EYA1: variants seen among roughly 807,000 people sequenced by gnomAD.
EYA1 encodes the protein protein phosphatase EYA1.
A neutral mutation model predicts 82.0 loss-of-function variants in EYA1; 16 were observed. The observed-to-expected ratio is 0.20, with a 90% CI of 0.13 to 0.30. EYA1 has a LOEUF of 0.30. EYA1 is among the 10% of genes least tolerant of loss of function. The probability of loss-of-function intolerance (pLI) is 1.00; values close to 1 mark genes in which losing one functional copy is unlikely to be tolerated. For synonymous variants in EYA1, 261 were observed against 264.4 expected (o/e 0.99, Z 0.12); for missense variants, 633 against 730.7 (o/e 0.87, Z 1.54).
chr8:71,462,401 G>C (rs1808425847), intron 2 of EYA1, among the ~76,000 whole-genome samples: 1 of 152,124 alleles, frequency 6.6e-6, no homozygotes, highest in African/African-American at 2.4e-5. Context: ...GGAAGAGGGA[G>C]AGGCTAGGCA....
At chr8:71,315,770 G>A (rs1306107580) in intron 7 of EYA1, among the ~76,000 whole-genome samples, 1 of 152,128 alleles carries the variant, frequency 6.6e-6, no homozygotes, top group Non-Finnish European at 1.5e-5. Context: ...TTCCAAGGCT[G>A]CATAAAAGTT....
chr8:71,486,935 T>A (rs982349723), intron 2 of EYA1, among the ~76,000 whole-genome samples: 4 of 104,494 alleles, frequency 3.8e-5, no homozygotes, highest in Non-Finnish European at 6.4e-5. Context: ...TGTGCGTCAC[T>A]TCTCAGGTGG....
intron 2 of EYA1, among the ~76,000 whole-genome samples, chr8:71,383,432 GT>G (rs967038874): frequency 6.6e-6 from 1 of 151,958 alleles, no homozygotes; most frequent in South Asian, 2.1e-4. Flanking sequence ...AATTAAAGGA[GT>G]TTTTTTAAAA....
At chr8:71,389,727 G>A (rs193213212) in intron 2 of EYA1, among the ~76,000 whole-genome samples, 4 of 152,198 alleles carry the variant, frequency 2.6e-5, no homozygotes, top group East Asian at 1.9e-4. Flanking sequence ...GCTGAGTTTC[G>A]TACAAGATCA....
intron 2 of EYA1, among the ~76,000 whole-genome samples, chr8:71,480,347 C>T (rs537622945): frequency 2.6e-5 from 4 of 152,054 alleles, no homozygotes; most frequent in African/African-American, 9.7e-5. Context: ...TACCGGGGTA[C>T]AAAATGGGGC....
chr8:71,229,981 C>T lies in EYA1; in HGVS notation c.1141-12958G>A, dbSNP rs147766017. Among the ~76,000 whole-genome samples, 123 of 152,272 alleles carry T rather than the reference C, an allele frequency of 8.1e-4. 2 individuals are homozygous for T. In the East Asian group the frequency reaches 0.02, roughly 25 times the overall value. On this transcript the variant is annotated intron_variant, in intron 12 of 17. Coordinates refer to ENST00000340726, the MANE Select transcript of EYA1 (RefSeq NM_000503.6). ...TTACAAAGGAGTAGCACACAATTAG[C>T]AGTGAGAAGGATCCAGCATTTAGAA...
At chr8:71,426,624 CT>C (rs1472910449) in intron 2 of EYA1, among the ~76,000 whole-genome samples, 1 of 152,156 alleles carries the variant, frequency 6.6e-6, no homozygotes, top group Non-Finnish European at 1.5e-5. Context: ...GTTTCTGGCC[CT>C]TTTTAGACCC....
intron 2 of EYA1, among the ~76,000 whole-genome samples, chr8:71,484,576 G>A (rs1021597039): frequency 6.6e-6 from 1 of 152,172 alleles, no homozygotes; most frequent in Non-Finnish European, 1.5e-5. Context: ...GCTGTTTGGG[G>A]TGATGCACAC....
intron 12 of EYA1, among the ~76,000 whole-genome samples, chr8:71,224,454 G>C (rs1331656100): frequency 6.6e-6 from 1 of 152,240 alleles, no homozygotes. Context: ...ATTGGGTTCT[G>C]TGTCCCCTCT....
At chr8:71,433,171 T>C (rs1805752001) in intron 2 of EYA1, among the ~76,000 whole-genome samples, 1 of 152,134 alleles carries the variant, frequency 6.6e-6, no homozygotes, top group Non-Finnish European at 1.5e-5. Flanking sequence ...GTATGAAAGG[T>C]ATATATTTAC....
intron 1 of EYA1, chr8:71,547,828 A>T (rs1406434599): frequency 6.7e-6 from 1 of 150,248 alleles, no homozygotes; most frequent in Non-Finnish European, 1.5e-5. Context: ...GGCGCGGGGG[A>T]CCCTGGCGGG....
chr8:71,405,618 G>C (rs921255179), intron 2 of EYA1, among the ~76,000 whole-genome samples: 1 of 152,182 alleles, frequency 6.6e-6, no homozygotes, highest in Non-Finnish European at 1.5e-5. Flanking sequence ...GTGAATAAAT[G>C]AATGCACGCT....
At chr8:71,526,063 T>C (rs1430950969) in intron 2 of EYA1, among the ~76,000 whole-genome samples, 1 of 152,146 alleles carries the variant, frequency 6.6e-6, no homozygotes, top group Non-Finnish European at 1.5e-5. Flanking sequence ...TATATGCTAA[T>C]TAGCAGTTCA....
intron 2 of EYA1, among the ~76,000 whole-genome samples, chr8:71,462,327 C>T (rs1283588037): frequency 2.6e-5 from 4 of 152,156 alleles, no homozygotes; most frequent in African/African-American, 9.7e-5. Context: ...CAGTGCTGCT[C>T]CAAGTGTGCA....
intron 9 of EYA1, among the ~76,000 whole-genome samples, chr8:71,291,863 A>G (rs943593752): frequency 1.3e-5 from 2 of 152,160 alleles, no homozygotes; most frequent in African/African-American, 4.8e-5. Flanking sequence ...ATGAATGTAG[A>G]GCTCTAAGCA....
chr8:71,276,413 T>C (rs1331695238), intron 9 of EYA1, among the ~76,000 whole-genome samples: 1 of 152,158 alleles, frequency 6.6e-6, no homozygotes, highest in Non-Finnish European at 1.5e-5. Context: ...GACCTGAGTA[T>C]CCCACTATTT....
At chr8:71,356,891 G>T in intron 1 of EYA1, 1 of 195,242 alleles carries the variant, frequency 5.1e-6, no homozygotes, top group Non-Finnish European at 9.3e-6. Context: ...GTGTTTAACA[G>T]CAATAGTTCA....
At chr8:71,335,548 G>A (rs896277978) in intron 3 of EYA1, among the ~76,000 whole-genome samples, 3 of 152,208 alleles carry the variant, frequency 2.0e-5, no homozygotes, top group Admixed American at 6.5e-5. Flanking sequence ...AAACAATGGT[G>A]TAACTGAAGT....
intron 11 of EYA1, among the ~76,000 whole-genome samples, chr8:71,254,619 T>C (rs1814174631): frequency 1.3e-5 from 2 of 152,254 alleles, no homozygotes; most frequent in South Asian, 4.1e-4. Flanking sequence ...ACGAACATCA[T>C]ACTCAATGGT....
Sources: gnomAD v4.1 joint callset for allele counts (sites outside exome capture counted in the v4.1 genomes callset) on GRCh38, gnomAD v4.1.1 for gene constraint, MANE v1.5 for transcripts, NCBI Gene and HGNC (gene_info 2026-07-23, HGNC 2026-07-21) for gene names.